Variants in STX8 observed in about 807,000 individuals in gnomAD.
STX8 encodes syntaxin 8, also known as syntaxin-8.
In STX8, 23 loss-of-function variants were observed where a neutral mutation model predicts 37.5. The ratio of observed to expected loss-of-function variants is 0.61; its 90% CI spans 0.44 to 0.87. The LOEUF is 0.87. STX8 is among the 40% of genes least tolerant of loss of function. The probability of loss-of-function intolerance (pLI) is 0.00; values close to 1 mark genes in which losing one functional copy is unlikely to be tolerated. For missense variants in STX8, 313 were observed against 284.7 expected (o/e 1.10, Z -0.71); for synonymous variants, 115 against 99.1 (o/e 1.16, Z -0.95).
At chr17:9,522,815 A>G (rs1905410116) in intron 4 of STX8, among the ~76,000 whole-genome samples, 1 of 152,136 alleles carries the variant, frequency 6.6e-6, no homozygotes, top group African/African-American at 2.4e-5. Context: ...TAAGGGAGAC[A>G]GGGAACAGCT....
intron 4 of STX8, among the ~76,000 whole-genome samples, chr17:9,527,185 CAAAA>C (rs61665330): frequency 1.2e-4 from 6 of 49,634 alleles, no homozygotes; most frequent in Admixed American, 3.7e-4. Context: ...GACTCCGTCT[CAAAA>C]AAAAAAAAAA....
chr17:9,285,941 C>T (rs1336455760), intron 7 of STX8, among the ~76,000 whole-genome samples: 1 of 152,152 alleles, frequency 6.6e-6, no homozygotes, highest in South Asian at 2.1e-4. Flanking sequence ...TTGTAACGAA[C>T]TTCTTCTGGA....
intron 6 of STX8, among the ~76,000 whole-genome samples, chr17:9,468,725 C>G (rs930251985): frequency 6.6e-6 from 1 of 152,198 alleles, no homozygotes; most frequent in African/African-American, 2.4e-5. Flanking sequence ...AAGGACCCGG[C>G]CTTCCCAGGG....
At chr17:9,525,346 C>T (rs1476690832) in intron 4 of STX8, among the ~76,000 whole-genome samples, 1 of 151,016 alleles carries the variant, frequency 6.6e-6, no homozygotes, top group Non-Finnish European at 1.5e-5. Flanking sequence ...TCCATTTTCT[C>T]TTTTCTTTTT....
chr17:9,542,493 T>C (rs956666869), intron 4 of STX8, among the ~76,000 whole-genome samples: 2 of 151,558 alleles, frequency 1.3e-5, no homozygotes, highest in East Asian at 3.9e-4. Flanking sequence ...CTAGCTAACA[T>C]GGTGAAACCC....
At chr17:9,376,871 C>G (rs559193598) in intron 7 of STX8, among the ~76,000 whole-genome samples, 1 of 152,194 alleles carries the variant, frequency 6.6e-6, no homozygotes, top group Admixed American at 6.6e-5. Context: ...GAACCAATTC[C>G]GGACACAGTA....
Position 9,505,125 on chromosome 17 carries a change from G to A in STX8, c.361C>T (p.Pro121Ser). ...LMSEEAKRGA[P>S]NPWLFEEPEE... ...GGCTCCTCAAAGAGCCAAGGGTTGG[G>A]TGCTCCTCGCTTAGCCTCTTCACTC... Residue 121 changes from proline (P) to serine (S), a missense_variant, in exon 5 of 8, where the codon CCC becomes TCC. Coordinates refer to ENST00000306357, the MANE Select transcript of STX8 (RefSeq NM_004853.3). 6.2e-7 allele frequency: 1 copy of A among 1,614,062 alleles called. No individual in the cohort carries two copies. Among genetic ancestry groups the A allele is most frequent in the Non-Finnish European group, 8.5e-7 (1 of 1,180,022 alleles).
chr17:9,391,765 T>C (rs1912230280), intron 6 of STX8, among the ~76,000 whole-genome samples: 1 of 150,486 alleles, frequency 6.6e-6, no homozygotes, highest in Non-Finnish European at 1.5e-5. Flanking sequence ...GGGAAGCATA[T>C]GGCAGAGTAG....
chr17:9,329,227 C>G (rs1909883518), intron 7 of STX8, among the ~76,000 whole-genome samples: 1 of 151,988 alleles, frequency 6.6e-6, no homozygotes, highest in Non-Finnish European at 1.5e-5. Context: ...CCAAAAACAA[C>G]CAAAGTGCCA....
At chr17:9,279,929 C>A (rs1406806544) in intron 7 of STX8, among the ~76,000 whole-genome samples, 1 of 152,244 alleles carries the variant, frequency 6.6e-6, no homozygotes, top group Non-Finnish European at 1.5e-5. Flanking sequence ...TCTCATAAGG[C>A]AGTTAAAATC....
intron 7 of STX8, among the ~76,000 whole-genome samples, chr17:9,269,511 A>G (rs1907372259): frequency 6.6e-6 from 1 of 152,190 alleles, no homozygotes; most frequent in African/African-American, 2.4e-5. Context: ...GTCTGCTGCT[A>G]GTGCAAATAA....
intron 6 of STX8, among the ~76,000 whole-genome samples, chr17:9,431,848 ACCT>A (rs1913997051): frequency 6.6e-6 from 1 of 151,692 alleles, no homozygotes; most frequent in Non-Finnish European, 1.5e-5. Flanking sequence ...TTTCCCAGAA[ACCT>A]CCCTTCCTTT....
At chr17:9,502,841 G>A (rs895856469) in intron 5 of STX8, among the ~76,000 whole-genome samples, 1 of 152,226 alleles carries the variant, frequency 6.6e-6, no homozygotes. Context: ...GGTGGCTCAT[G>A]CCTGTAATCC....
At chr17:9,458,565 A>C (rs1905254862) in intron 6 of STX8, among the ~76,000 whole-genome samples, 1 of 152,376 alleles carries the variant, frequency 6.6e-6, no homozygotes, top group Middle Eastern at 3.4e-3. Context: ...CATGACTTTG[A>C]GAAGACCAAT....
rs1907894646 is a variant in STX8, at chr17:9,575,812, G to A, written c.-4C>T. The A allele has an allele frequency of 1.3e-6, 2 of 1,539,798 alleles. No individual in the cohort carries two copies. The highest frequency in any genetic ancestry group is 2.0e-5 in the Admixed American group (1 of 50,910). On this transcript the variant is annotated 5_prime_UTR_variant, in exon 1 of 8. Transcript: ENST00000306357. ...CTCACCAGGGGTCCGGTGCCATCCT[G>A]CAGACTCCGCCCGCCGCTCGGACTC...
chr17:9,498,026 T>C (rs544438746), intron 5 of STX8, among the ~76,000 whole-genome samples: 3 of 151,830 alleles, frequency 2.0e-5, no homozygotes, highest in Non-Finnish European at 2.9e-5. Context: ...AGAGAAGCAA[T>C]GAACCTTTCA....
intron 2 of STX8, among the ~76,000 whole-genome samples, chr17:9,562,949 T>C (rs1468889236): frequency 1.3e-5 from 2 of 152,142 alleles, no homozygotes; most frequent in Non-Finnish European, 1.5e-5. Context: ...TTTACTGCGG[T>C]GTTATTCACA....
intron 6 of STX8, among the ~76,000 whole-genome samples, chr17:9,476,632 T>C (rs1265038460): frequency 1.3e-5 from 2 of 152,000 alleles, no homozygotes; most frequent in Non-Finnish European, 2.9e-5. Flanking sequence ...TTTATATTTT[T>C]AGTAGAGATG....
chr17:9,295,034 G>C (rs1908464297), intron 7 of STX8, among the ~76,000 whole-genome samples: 1 of 152,226 alleles, frequency 6.6e-6, no homozygotes, highest in Non-Finnish European at 1.5e-5. Context: ...CCAGAATTCT[G>C]AGAGAATAAA....
Sources: allele counts gnomAD v4.1 joint callset (sites outside exome capture counted in the v4.1 genomes callset), GRCh38; gene constraint gnomAD v4.1.1; transcripts MANE v1.5; gene names NCBI Gene and HGNC (gene_info 2026-07-23, HGNC 2026-07-21).